NTM: variants seen among roughly 807,000 people sequenced by gnomAD.
NTM encodes neurotrimin.
In NTM, 13 loss-of-function variants were observed where a neutral mutation model predicts 42.1. The ratio of observed to expected loss-of-function variants is 0.31; its 90% CI spans 0.20 to 0.49. The LOEUF is 0.49. NTM is among the 20% of genes least tolerant of loss of function. The pLI is 0.99. For synonymous variants in NTM, 187 were observed against 179.2 expected, an observed-to-expected ratio of 1.04 and a Z score of -0.35; for missense variants, 373 against 452.8, an observed-to-expected ratio of 0.82 and a Z score of 1.60.
At chr11:132,124,409 C>T (rs1355665278) in intron 2 of NTM, among the ~76,000 whole-genome samples, 1 of 152,222 alleles carries the variant, frequency 6.6e-6, no homozygotes, top group East Asian at 1.9e-4. Flanking sequence ...CTGTTGGAAG[C>T]TCTTGGCACC....
intron 1 of NTM, among the ~76,000 whole-genome samples, chr11:131,711,967 C>T (rs1238472503): frequency 8.8e-6 from 1 of 113,220 alleles, no homozygotes; most frequent in African/African-American, 3.5e-5. Context: ...GAACATCACA[C>T]TCTGGGGACT....
intron 2 of NTM, among the ~76,000 whole-genome samples, chr11:131,935,734 G>A (rs1384364626): frequency 2.6e-5 from 4 of 152,034 alleles, no homozygotes; most frequent in Non-Finnish European, 4.4e-5. Context: ...TTTTTAATTA[G>A]GACCTCTTTC....
At chr11:132,145,408 T>C (rs1482602422) in intron 2 of NTM, among the ~76,000 whole-genome samples, 1 of 152,192 alleles carries the variant, frequency 6.6e-6, no homozygotes, top group African/African-American at 2.4e-5. Flanking sequence ...ACACTGCTTG[T>C]AAATTTAGCC....
At chr11:131,575,569 A>AT (rs759272793) in intron 1 of NTM, among the ~76,000 whole-genome samples, 4 of 152,222 alleles carry the variant, frequency 2.6e-5, no homozygotes, top group African/African-American at 4.8e-5. Context: ...TTAGATCGCT[A>AT]TAACTTTTAG....
At chr11:131,748,483 C>G (rs1196344044) in intron 1 of NTM, among the ~76,000 whole-genome samples, 3 of 152,184 alleles carry the variant, frequency 2.0e-5, no homozygotes, top group Admixed American at 6.5e-5. Flanking sequence ...ATTTCTTTGC[C>G]TTTTGGGACC....
Position 131,912,874 on chromosome 11 carries a change from G to A in NTM, c.167+1226G>A, listed in dbSNP as rs116235146. ...TATCTATAGGATAGAAAATGGTGAA[G>A]AGGAGGCAATGTCAATACAGAGCTG... On this transcript the variant is annotated intron_variant, in intron 2 of 8. Transcript: ENST00000683400. Among the ~76,000 whole-genome samples, 173 of 152,326 alleles carry A rather than the reference G, an allele frequency of 1.1e-3. 1 individual carries two copies. Among genetic ancestry groups the A allele is most frequent in the African/African-American group, 4.1e-3 (170 of 41,564 alleles).
intron 1 of NTM, among the ~76,000 whole-genome samples, chr11:131,788,269 C>A (rs1355717595): frequency 1.3e-5 from 2 of 151,870 alleles, no homozygotes; most frequent in Non-Finnish European, 2.9e-5. Context: ...ATGAACTATG[C>A]CAACTTAAAA....
At chr11:131,813,127 G>A (rs1007922575) in intron 1 of NTM, among the ~76,000 whole-genome samples, 8 of 152,292 alleles carry the variant, frequency 5.3e-5, no homozygotes, top group African/African-American at 1.4e-4. Flanking sequence ...TTACGCCTTC[G>A]GGGGTGCTCA....
chr11:132,239,648 A>G (rs2089799892), intron 4 of NTM, among the ~76,000 whole-genome samples: 1 of 152,182 alleles, frequency 6.6e-6, no homozygotes, highest in African/African-American at 2.4e-5. Flanking sequence ...TTTACTGTAC[A>G]TCTTCCCTCC....
intron 2 of NTM, among the ~76,000 whole-genome samples, chr11:132,029,191 CTTTTT>C (rs201371266): frequency 2.0e-5 from 3 of 151,740 alleles, no homozygotes; most frequent in Admixed American, 6.6e-5. Context: ...CTGAGGATCT[CTTTTT>C]TTTATTTTTA....
chr11:131,998,335 T>C (rs1490618167), intron 2 of NTM, among the ~76,000 whole-genome samples: 4 of 152,134 alleles, frequency 2.6e-5, no homozygotes, highest in East Asian at 1.9e-4. Flanking sequence ...TTAGACAAAT[T>C]GTTCCAGTCC....
At chr11:131,980,287 C>T (rs758478791) in intron 2 of NTM, among the ~76,000 whole-genome samples, 9 of 152,074 alleles carry the variant, frequency 5.9e-5, no homozygotes, top group Middle Eastern at 3.2e-3. Context: ...AGAATAAGGC[C>T]GATTTATTTT....
intron 1 of NTM, among the ~76,000 whole-genome samples, chr11:131,731,622 A>G (rs909888837): frequency 6.6e-6 from 1 of 152,110 alleles, no homozygotes; most frequent in Admixed American, 6.6e-5. Context: ...GGGCCTGCAT[A>G]CGTTAATCTT....
chr11:131,425,057 T>A (rs1482774768), intron 1 of NTM, among the ~76,000 whole-genome samples: 2 of 151,714 alleles, frequency 1.3e-5, no homozygotes, highest in Non-Finnish European at 2.9e-5. Context: ...TCCTTTTGTA[T>A]TTTTAGTGGA....
At position 132,235,409 on chromosome 11, in the gene NTM, G is replaced by A. The variant is rs896793738; in HGVS notation, c.526+23262G>A. 4.6e-5 allele frequency among the ~76,000 whole-genome samples: 7 copies of A among 152,090 alleles called. No individual in the cohort carries two copies. The East Asian group carries it at 9.6e-4, about 21-fold the overall frequency. On this transcript the variant is annotated intron_variant, in intron 4 of 8. Coordinates refer to ENST00000683400, the MANE Select transcript of NTM (RefSeq NM_001352005.2). ...ATCACGCATCTCCAGCCTCCAGAAC[G>A]TTCTTCCTCTTGTGTTGTAAACTGG...
intron 1 of NTM, among the ~76,000 whole-genome samples, chr11:131,479,191 C>A (rs779002184): frequency 6.6e-6 from 1 of 152,192 alleles, no homozygotes; most frequent in Non-Finnish European, 1.5e-5. Context: ...TCTCTCTGCC[C>A]TTGTGAAGCA....
intron 1 of NTM, among the ~76,000 whole-genome samples, chr11:131,740,432 T>C (rs2081038878): frequency 6.6e-6 from 1 of 152,256 alleles, no homozygotes; most frequent in South Asian, 2.1e-4. Context: ...ATTATTATTT[T>C]ATTAGTTTTA....
chr11:131,929,847 A>G (rs748944718), intron 2 of NTM, among the ~76,000 whole-genome samples: 8 of 152,216 alleles, frequency 5.3e-5, no homozygotes, highest in Admixed American at 3.3e-4. Context: ...TCAAAGGCTC[A>G]GCTACCTCGT....
chr11:132,065,878 A>G (rs572649766), intron 2 of NTM, among the ~76,000 whole-genome samples: 1 of 152,344 alleles, frequency 6.6e-6, no homozygotes, highest in East Asian at 1.9e-4. Context: ...GAGCACGTGG[A>G]CTTGCTTCAT....
Sources: gnomAD v4.1 joint callset for allele counts (sites outside exome capture counted in the v4.1 genomes callset) on GRCh38, gnomAD v4.1.1 for gene constraint, MANE v1.5 for transcripts, NCBI Gene and HGNC (gene_info 2026-07-23, HGNC 2026-07-21) for gene names.